The following CLCA2 variants were observed in gnomAD, a reference collection of about 807,000 sequenced individuals.
CLCA2 encodes the protein chloride channel accessory 2, also known as calcium-activated chloride channel regulator 2.
CLCA2 carries 85 observed loss-of-function variants against 82.9 expected under a neutral mutation model. That is an observed-to-expected ratio of 1.03 (90% confidence interval 0.86 to 1.23). The LOEUF is 1.23. Ranked by LOEUF, CLCA2 falls within the 50% of genes most tolerant of loss-of-function variation. The pLI is 0.00. For synonymous variants in CLCA2, 421 were observed against 391.7 expected (o/e 1.07, Z -0.88); for missense variants, 1,089 against 1,124.8 (o/e 0.97, Z 0.45).
chr1:86,445,677 T>G (rs1354657479), intron 10 of CLCA2, among the ~76,000 whole-genome samples: 2 of 151,338 alleles, frequency 1.3e-5, no homozygotes, highest in African/African-American at 4.9e-5. Context: ...TGGTCAGATT[T>G]TGGACTTGGA....
intron 3 of CLCA2, among the ~76,000 whole-genome samples, chr1:86,430,005 C>A (rs1662462087): frequency 2.0e-5 from 3 of 152,098 alleles, no homozygotes; most frequent in Admixed American, 2.0e-4. Flanking sequence ...GGACTGCTAC[C>A]CTCCCTTCCT....
chr1:86,442,319 G>A (rs895679861), intron 9 of CLCA2, among the ~76,000 whole-genome samples: 5 of 152,066 alleles, frequency 3.3e-5, no homozygotes, highest in Admixed American at 6.5e-5. Context: ...GGCTACAATT[G>A]GCTCTTCTGA....
intron 11 of CLCA2, among the ~76,000 whole-genome samples, chr1:86,449,881 G>T (rs1427373319): frequency 6.6e-6 from 1 of 152,096 alleles, no homozygotes; most frequent in Non-Finnish European, 1.5e-5. Flanking sequence ...GAATTGAACT[G>T]CTCTCTGAAG....
rs371488200 is a variant in CLCA2, at chr1:86,438,948, G to A, written c.1045G>A (p.Val349Met). ...GCAGATTGTTGAAATTCATACCTTC[G>A]TGGGCATTGCCAGTTTCGACAGCAA... is the stretch of plus-strand genomic sequence containing the variant. ...LMQIVEIHTF[V>M]GIASFDSKGE... The change falls in exon 7 of 14, where the codon GTG (valine) becomes ATG (methionine). Residue 349 changes from valine to methionine, a missense_variant. Transcript: ENST00000370565. 17 of 1,614,062 alleles carry A rather than the reference G, an allele frequency of 1.1e-5. No individual in the cohort carries two copies. In the East Asian group the frequency reaches 1.8e-4, roughly 17 times the overall value.
intron 6 of CLCA2, 58 bp downstream of exon 6, chr1:86,434,803 A>G: frequency 7.3e-7 from 1 of 1,369,022 alleles, no homozygotes; most frequent in Admixed American, 1.8e-5. Context: ...TCAGTTCTTT[A>G]TTATCTCAAT....
At chr1:86,449,229 T>C (rs953879033) in intron 11 of CLCA2, among the ~76,000 whole-genome samples, 1 of 152,244 alleles carries the variant, frequency 6.6e-6, no homozygotes, top group Non-Finnish European at 1.5e-5. Context: ...TACTTTTTCA[T>C]GCATACTCTC....
At chr1:86,437,622 C>T (rs935931145) in intron 6 of CLCA2, among the ~76,000 whole-genome samples, 1 of 152,130 alleles carries the variant, frequency 6.6e-6, no homozygotes, top group South Asian at 2.1e-4. Flanking sequence ...ATTTGTATGA[C>T]TATAACTAAC....
rs1662673649 is a variant in CLCA2, at chr1:86,439,090, T to A, written c.1187T>A (p.Leu396His). The A allele has an allele frequency of 6.2e-7, 1 of 1,613,878 alleles. No individual in the cohort carries two copies. ...AKTDISICSG[L>H]KKGFEVVEKL... is the part of the protein sequence containing the mutation. Reference sequence around the variant, plus strand: ...ACAGACATCAGCATTTGTTCAGGGCTTAAGAAAGGATTTGAGGTACAGTAG... The same window carrying A: ...ACAGACATCAGCATTTGTTCAGGGCATAAGAAAGGATTTGAGGTACAGTAG... The change falls in exon 7 of 14, where the codon CTT (leucine) becomes CAT (histidine). Residue 396 changes from leucine to histidine, a missense_variant. Leu to His is a moderately conservative substitution (Grantham distance 99). Coordinates refer to ENST00000370565, the MANE Select transcript of CLCA2 (RefSeq NM_006536.7).
At chr1:86,431,680 C>A (rs901798057) in intron 4 of CLCA2, among the ~76,000 whole-genome samples, 1 of 151,934 alleles carries the variant, frequency 6.6e-6, no homozygotes, top group African/African-American at 2.4e-5. Flanking sequence ...TCTTTTTTTC[C>A]CCTGATACCA....
chr1:86,427,305 T>C (rs1662406949), intron 2 of CLCA2, among the ~76,000 whole-genome samples: 1 of 152,060 alleles, frequency 6.6e-6, no homozygotes, highest in Admixed American at 6.6e-5. Flanking sequence ...AGGAATGAGG[T>C]TTTACCCAAG....
At position 86,440,238 on chromosome 1, in the gene CLCA2, A is replaced by G; in HGVS notation, c.1294A>G (p.Thr432Ala). The G allele has an allele frequency of 6.2e-7, 1 of 1,614,084 alleles. No individual in the cohort carries two copies. The highest frequency in any genetic ancestry group is 8.5e-7 in the Non-Finnish European group (1 of 1,179,984). The change falls in exon 8 of 14, where the codon ACT (threonine) becomes GCT (alanine). Residue 432 changes from threonine to alanine, a missense_variant. Coordinates refer to ENST00000370565, the MANE Select transcript of CLCA2 (RefSeq NM_006536.7). ...DDKLLGNCLP[T>A]VLSSGSTIHS... ...TAAGCTTCTTGGCAATTGCTTACCC[A>G]CTGTGCTCAGCAGTGGTTCAACAAT...
In CLCA2 at chr1:86,426,748, A is replaced by C. The variant is rs554199168; in HGVS notation, c.324+1272A>C. On this transcript the variant is annotated intron_variant, in intron 2 of 13. Coordinates refer to ENST00000370565, the MANE Select transcript of CLCA2 (RefSeq NM_006536.7). The stretch of plus-strand genomic sequence containing the variant: ...TTACAGAGCCATAATTTGAATGTCT[A>C]TTTGCCTCCAAAACCCATGCTTTTT... Among the ~76,000 whole-genome samples the C allele has an allele frequency of 1.1e-4, 16 of 152,252 alleles. No homozygotes were observed. The South Asian group carries it at 2.9e-3, about 28-fold the overall frequency.
rs1336987818 is a variant in CLCA2 at position 86,453,387 on chromosome 1, C to T, written c.2174C>T (p.Ala725Val). ...YTANGNIQMN[A>V]PRKSVGRNEE... ...GTCTCAGGTAATATTCAGATGAATGCTCCAAGGAAATCAGTAGGCAGAAAT... is the reference window on the plus strand; with the variant it reads ...GTCTCAGGTAATATTCAGATGAATGTTCCAAGGAAATCAGTAGGCAGAAAT... Residue 725 changes from alanine (A) to valine (V), a missense_variant, in exon 13 of 14, where the codon GCT becomes GTT. Transcript: ENST00000370565. 6.2e-7 allele frequency: 1 copy of T among 1,613,842 alleles called. No individual in the cohort carries two copies. The highest frequency in any genetic ancestry group is 1.1e-5 in the South Asian group (1 of 91,066).
intron 5 of CLCA2, among the ~76,000 whole-genome samples, chr1:86,433,248 C>T (rs1369416202): frequency 6.6e-6 from 1 of 152,170 alleles, no homozygotes; most frequent in African/African-American, 2.4e-5. Context: ...CATCAGCCTT[C>T]ATGACCTGAT....
In CLCA2 at chr1:86,425,552, A is replaced by C. The variant is rs988356549; in HGVS notation, c.324+76A>C. The C allele has an allele frequency of 1.0e-5, 13 of 1,239,602 alleles. No individual in the cohort carries two copies. In the Admixed American group the frequency reaches 1.2e-4, roughly 11 times the overall value. 76.8% of individuals were successfully genotyped at this position (1,239,602 alleles called of 1,614,324 possible). A position where few individuals can be genotyped will look rare whatever the true frequency, so the allele number is the denominator to read the frequency against. ...AAATATACTGTGCTCAAACGATAAA[A>C]GTGAGAAGTTAAGTAAAAACAAATC... On this transcript the variant is annotated intron_variant, in intron 2 of 13. Coordinates refer to ENST00000370565, the MANE Select transcript of CLCA2 (RefSeq NM_006536.7).
rs1389263561 is a variant in CLCA2, at chr1:86,438,901, A to G, written c.998A>G (p.Gln333Arg). The G allele has an allele frequency of 6.2e-7, 1 of 1,614,098 alleles. No individual in the cohort carries two copies. ...AEADRLLQLQ[Q>R]AAEFYLMQIV... ...GCTGACAGACTCCTTCAACTACAACAAGCCGCAGAATTTTATTTGATGCAG... is the reference window on the plus strand; with the variant it reads ...GCTGACAGACTCCTTCAACTACAACGAGCCGCAGAATTTTATTTGATGCAG... Residue 333 changes from glutamine to arginine, a missense_variant, in exon 7 of 14, where the codon CAA (glutamine) becomes CGA (arginine). Coordinates refer to ENST00000370565, the MANE Select transcript of CLCA2 (RefSeq NM_006536.7).
chr1:86,439,037 A>G lies in CLCA2; in HGVS notation c.1134A>G (p.Ser378=), dbSNP rs755939065. ...ATGATGATCGAAAGTTGCTGGTTTC[A>G]TATCTGCCCACCACTGTATCAGCTA... ...NSNDDRKLLV[S]YLPTTVSAKT... The change falls in exon 7 of 14, where the codon TCA becomes TCG. Residue 378 remains serine, a synonymous_variant. Coordinates refer to ENST00000370565, the MANE Select transcript of CLCA2 (RefSeq NM_006536.7). 1.4e-5 allele frequency: 23 copies of G among 1,614,158 alleles called. No homozygotes were observed. Among genetic ancestry groups the G allele is most frequent in the Middle Eastern group, 1.6e-4 (1 of 6,062 alleles).
At chr1:86,427,574 A>ACAC (rs3835425) in intron 2 of CLCA2, among the ~76,000 whole-genome samples, 1 of 151,014 alleles carries the variant, frequency 6.6e-6, no homozygotes, top group Admixed American at 6.6e-5. Flanking sequence ...ACACACACAC[A>ACAC]AAACACATAT....
At chr1:86,445,770 A>G (rs1240480261) in intron 10 of CLCA2, among the ~76,000 whole-genome samples, 1 of 152,112 alleles carries the variant, frequency 6.6e-6, no homozygotes, top group African/African-American at 2.4e-5. Flanking sequence ...ACCATCTTTT[A>G]ATTTATAAAA....
Sources: gnomAD v4.1 joint callset for allele counts (sites outside exome capture counted in the v4.1 genomes callset) on GRCh38, gnomAD v4.1.1 for gene constraint, MANE v1.5 for transcripts, NCBI Gene and HGNC (gene_info 2026-07-23, HGNC 2026-07-21) for gene names.